Variants in THRAP3 observed in about 807,000 individuals in gnomAD.
THRAP3 encodes thyroid hormone receptor-associated protein 3.
In THRAP3, 16 loss-of-function variants were observed where a neutral mutation model predicts 101.0. The observed-to-expected ratio is 0.16, with a 90% CI of 0.11 to 0.24. The LOEUF is 0.24. Among genes scored for constraint, THRAP3 ranks in the 10% least tolerant of loss-of-function variants. The probability of loss-of-function intolerance (pLI) is 1.00; values close to 1 mark genes in which losing one functional copy is unlikely to be tolerated. For missense variants in THRAP3, 989 were observed against 1,202.7 expected (o/e 0.82, Z 2.63); for synonymous variants, 407 against 422.6 (o/e 0.96, Z 0.45).
the THRAP3 span, among the ~76,000 whole-genome samples, chr1:36,212,418 C>CTTTTTTTTTTTTTTTTTTTTTTTT: frequency 8.2e-6 from 1 of 122,048 alleles, no homozygotes; most frequent in African/African-American, 3.3e-5. Flanking sequence ...TTCTTTCTTT[C>CTTTTTTTTTTTTTTTTTTTTTTTT]TTTTTTTTTT....
intron 1 of THRAP3, among the ~76,000 whole-genome samples, chr1:36,230,994 T>C (rs1374735845): frequency 6.6e-6 from 1 of 152,330 alleles, no homozygotes; most frequent in East Asian, 1.9e-4. Flanking sequence ...CAGTCTGACA[T>C]GTAGCCCTGA....
chr1:36,272,884 T>G lies in THRAP3; in HGVS notation c.-31-9649T>G, dbSNP rs536211915. ...AGGTGTAGAAGGGATGAGAATGATC[T>G]CAATTTCTAGGTTAGCAGAACTGTG... On this transcript the variant is annotated intron_variant, in intron 2 of 11. Coordinates refer to ENST00000354618, the MANE Select transcript of THRAP3 (RefSeq NM_005119.4). 7.9e-5 allele frequency among the ~76,000 whole-genome samples: 12 copies of G among 152,354 alleles called. 1 individual carries two copies. The South Asian group carries it at 2.5e-3, about 32-fold the overall frequency.
rs748201927 is a variant in THRAP3 at position 36,300,918 on chromosome 1, C to T, written c.2336C>T (p.Ser779Phe). ...CGGAGAGCAAGAGACAGGTCCAGATCCTCCTCCTCTTCCTCCCAGTCATCT... is the reference window on the plus strand; with the variant it reads ...CGGAGAGCAAGAGACAGGTCCAGATTCTCCTCCTCTTCCTCCCAGTCATCT... ...KHRRARDRSR[S>F]SSSSSQSSHS... The change falls in exon 10 of 12, where the codon TCC (serine) becomes TTC (phenylalanine). Residue 779 changes from serine (S) to phenylalanine (F), a missense_variant. Transcript: ENST00000354618. The T allele has an allele frequency of 6.2e-6, 10 of 1,613,654 alleles. No individual in the cohort carries two copies. Among genetic ancestry groups the T allele is most frequent in the Non-Finnish European group, 8.5e-6 (10 of 1,179,946 alleles).
At chr1:36,271,777 A>G (rs188216759) in intron 2 of THRAP3, among the ~76,000 whole-genome samples, 2 of 151,308 alleles carry the variant, frequency 1.3e-5, no homozygotes, top group Admixed American at 1.3e-4. Context: ...TATTTTTAGT[A>G]GAGAAGGGGT....
chr1:36,210,746 A>ATATATCATAT, the THRAP3 span, among the ~76,000 whole-genome samples: 1 of 98,850 alleles, frequency 1.0e-5, no homozygotes, highest in African/African-American at 3.9e-5. Context: ...TCATATATAT[A>ATATATCATAT]AAGTGTCAGC....
At chr1:36,297,008 G>A (rs1035332365) in intron 9 of THRAP3, among the ~76,000 whole-genome samples, 9 of 152,240 alleles carry the variant, frequency 5.9e-5, no homozygotes, top group African/African-American at 9.6e-5. Context: ...CTGTTAAATT[G>A]ACCACAGGGA....
At chr1:36,224,652 T>C (rs1307288045) in intron 1 of THRAP3, 147 bp downstream of exon 1, 1 of 152,728 alleles carries the variant, frequency 6.5e-6, no homozygotes, top group East Asian at 1.9e-4. Flanking sequence ...TGGCCTCTTC[T>C]GAGCGGGCTC....
At chr1:36,297,287 G>T (rs2124636533) in intron 9 of THRAP3, among the ~76,000 whole-genome samples, 1 of 152,258 alleles carries the variant, frequency 6.6e-6, no homozygotes. Context: ...TGAACTTTGT[G>T]TGGCAACATT....
chr1:36,268,116 A>G (rs966510326), intron 2 of THRAP3, among the ~76,000 whole-genome samples: 58 of 151,920 alleles, frequency 3.8e-4, no homozygotes, highest in Middle Eastern at 3.4e-3. Context: ...AGAGGTGAAG[A>G]TTGTAGTGAG....
chr1:36,275,766 A>G (rs1158814808), intron 2 of THRAP3, among the ~76,000 whole-genome samples: 3 of 152,006 alleles, frequency 2.0e-5, no homozygotes, highest in South Asian at 4.1e-4. Flanking sequence ...TCATGCCTGT[A>G]ATCCCAACAC....
At chr1:36,230,142 A>G (rs1269402991) in intron 1 of THRAP3, among the ~76,000 whole-genome samples, 1 of 146,484 alleles carries the variant, frequency 6.8e-6, no homozygotes, top group Non-Finnish European at 1.5e-5. Flanking sequence ...TTTTTTTTAG[A>G]CGGAGTTTTG....
chr1:36,295,014 G>A (rs1476337286), intron 8 of THRAP3, among the ~76,000 whole-genome samples: 1 of 152,046 alleles, frequency 6.6e-6, no homozygotes, highest in East Asian at 1.9e-4. Flanking sequence ...ACCTGAGGTC[G>A]AGAGTTTGAC....
the THRAP3 span, among the ~76,000 whole-genome samples, chr1:36,217,368 T>G: frequency 3.9e-5 from 6 of 152,032 alleles, no homozygotes; most frequent in Non-Finnish European, 5.9e-5. Flanking sequence ...GCCAGGTCAC[T>G]CAAGGAGAGA....
At chr1:36,296,941 T>A (rs904853228) in intron 9 of THRAP3, among the ~76,000 whole-genome samples, 171 bp downstream of exon 9, 1 of 152,166 alleles carries the variant, frequency 6.6e-6, no homozygotes, top group Non-Finnish European at 1.5e-5. Flanking sequence ...TGAAAACAAT[T>A]TCTACATCAA....
chr1:36,245,936 G>A (rs1375997328), intron 1 of THRAP3, among the ~76,000 whole-genome samples: 1 of 152,160 alleles, frequency 6.6e-6, no homozygotes, highest in Admixed American at 6.5e-5. Context: ...GGTAACCTGA[G>A]TGCATATCTG....
intron 1 of THRAP3, among the ~76,000 whole-genome samples, chr1:36,248,599 T>C (rs1232184642): frequency 6.6e-6 from 1 of 151,876 alleles, no homozygotes; most frequent in Non-Finnish European, 1.5e-5. Context: ...CTTTATTTTT[T>C]TGTAGAGACA....
chr1:36,224,164 G>A (rs963421322), upstream of THRAP3, among the ~76,000 whole-genome samples: 10 of 152,234 alleles, frequency 6.6e-5, no homozygotes. Flanking sequence ...AGTGGCGTCA[G>A]CAACGCCCCC....
chr1:36,208,853 G>C, the THRAP3 span, among the ~76,000 whole-genome samples: 1 of 151,582 alleles, frequency 6.6e-6, no homozygotes, highest in Non-Finnish European at 1.5e-5. Context: ...TTTTTGTAGA[G>C]ACGGGGTTTC....
At chr1:36,302,898 A>G (rs1194780620) in intron 11 of THRAP3, among the ~76,000 whole-genome samples, 1 of 152,202 alleles carries the variant, frequency 6.6e-6, no homozygotes, top group African/African-American at 2.4e-5. Flanking sequence ...ACCCCGTCAC[A>G]CTGCCTCCTT....
Sources: gnomAD v4.1 joint callset for allele counts (sites outside exome capture counted in the v4.1 genomes callset) on GRCh38, gnomAD v4.1.1 for gene constraint, MANE v1.5 for transcripts, NCBI Gene and HGNC (gene_info 2026-07-23, HGNC 2026-07-21) for gene names.